The following LIPI variants were observed in gnomAD, a reference collection of about 807,000 sequenced individuals.
LIPI encodes lipase I, also known as lipase member I.
Under a neutral mutation model 50.6 loss-of-function variants are expected in LIPI, and 59 were observed. The ratio of observed to expected loss-of-function variants is 1.16; its 90% CI spans 0.94 to 1.45. The LOEUF is 1.45. Among genes scored for constraint, LIPI ranks in the 40% most tolerant of loss-of-function variants. The pLI, the probability that LIPI is intolerant of heterozygous loss-of-function variation, is 0.00. For synonymous variants in LIPI, 203 were observed against 178.2 expected, an observed-to-expected ratio of 1.14 and a Z score of -1.11; for missense variants, 586 against 536.3, an observed-to-expected ratio of 1.09 and a Z score of -0.92.
chr21:14,174,613 G>T (rs906695835), intron 4 of LIPI, among the ~76,000 whole-genome samples: 2 of 152,028 alleles, frequency 1.3e-5, no homozygotes, highest in African/African-American at 4.8e-5. Flanking sequence ...GAGTGCAATG[G>T]CATGATCTCC....
chr21:14,137,177 C>T lies in LIPI; in HGVS notation c.1295+7446G>A, dbSNP rs143160990. On this transcript the variant is annotated intron_variant, in intron 9 of 9. Coordinates refer to ENST00000681601, the MANE Select transcript of LIPI (RefSeq NM_001302998.2). Reference sequence around the variant, plus strand: ...ACCTAACTCTTCAATACTCAGACACCGAAGAACATCTACTAGCATCAACAC... The same window carrying T: ...ACCTAACTCTTCAATACTCAGACACTGAAGAACATCTACTAGCATCAACAC... 3.5e-3 allele frequency among the ~76,000 whole-genome samples: 534 copies of T among 152,076 alleles called. 3 individuals carry two copies. The highest frequency in any genetic ancestry group is 0.012 in the African/African-American group (512 of 41,496).
intron 8 of LIPI, among the ~76,000 whole-genome samples, chr21:14,148,440 AT>A (rs148300971): frequency 0.04 from 6,141 of 152,264 alleles, 144 homozygotes; most frequent in African/African-American, 0.063. Context: ...CTGCACAATG[AT>A]TTTTTTGTCA....
chr21:14,161,787 AT>A (rs1568858636), intron 7 of LIPI, among the ~76,000 whole-genome samples: 20 of 47,994 alleles, frequency 4.2e-4, no homozygotes, highest in East Asian at 9.2e-4. Context: ...TATATAATAT[AT>A]ACATTATTAT....
At chr21:14,113,161 T>G (rs2016482041) in intron 9 of LIPI, among the ~76,000 whole-genome samples, 1 of 152,190 alleles carries the variant, frequency 6.6e-6, no homozygotes, top group African/African-American at 2.4e-5. Context: ...TATAGAACAT[T>G]CAATAAGATA....
chr21:14,186,763 G>A (rs1304657058), intron 2 of LIPI, among the ~76,000 whole-genome samples: 1 of 152,166 alleles, frequency 6.6e-6, no homozygotes, highest in Non-Finnish European at 1.5e-5. Context: ...CCAGATAGAA[G>A]AGACCTGAGG....
rs564576476 is a variant in LIPI, at chr21:14,132,641, T to C, written c.1295+11982A>G. Among the ~76,000 whole-genome samples the C allele has an allele frequency of 1.6e-3, 237 of 151,902 alleles. 2 individuals carry two copies. Among genetic ancestry groups the C allele is most frequent in the African/African-American group, 5.5e-3 (227 of 41,448 alleles). On this transcript the variant is annotated intron_variant, in intron 9 of 9. Coordinates refer to ENST00000681601, the MANE Select transcript of LIPI (RefSeq NM_001302998.2). ...AAACACAAAAATATAAAACTCACAGTTCTTATAAAACACTCACACAAAGGA... is the reference window on the plus strand; with the variant it reads ...AAACACAAAAATATAAAACTCACAGCTCTTATAAAACACTCACACAAAGGA...
chr21:14,144,883 A>G, intron 8 of LIPI, 84 bp from the exon 9 acceptor site: 3 of 906,584 alleles, frequency 3.3e-6, no homozygotes, highest in Non-Finnish European at 5.2e-6. Context: ...CTAATAAGGG[A>G]GGCCACAGAG....
chr21:14,201,487 A>G (rs1356068296), intron 1 of LIPI, among the ~76,000 whole-genome samples: 1 of 152,162 alleles, frequency 6.6e-6, no homozygotes, highest in Non-Finnish European at 1.5e-5. Flanking sequence ...CTTATCCACC[A>G]TGATCAAGTG....
chr21:14,149,519 T>C (rs1034815879), intron 8 of LIPI, among the ~76,000 whole-genome samples: 4 of 152,072 alleles, frequency 2.6e-5, no homozygotes, highest in Non-Finnish European at 5.9e-5. Context: ...CTTAACTCAT[T>C]CCAATATTCA....
chr21:14,205,465 C>A (rs190512262), intron 1 of LIPI, among the ~76,000 whole-genome samples: 8 of 151,774 alleles, frequency 5.3e-5, no homozygotes, highest in Non-Finnish European at 8.8e-5. Flanking sequence ...ATATATAGCC[C>A]ATATTTATAT....
At position 14,138,708 on chromosome 21, in the gene LIPI, A is replaced by G. The variant is rs183084114; in HGVS notation, c.1295+5915T>C. Among the ~76,000 whole-genome samples the G allele has an allele frequency of 3.6e-4, 55 of 152,190 alleles. 1 individual carries two copies. Among genetic ancestry groups the G allele is most frequent in the Admixed American group, 3.6e-3 (55 of 15,270 alleles). On this transcript the variant is annotated intron_variant, in intron 9 of 9. Transcript: ENST00000681601. ...CATTTAATATTACAGCTATTCCATA[A>G]TCAATGTATAAATTACCCTATTATT...
intron 9 of LIPI, among the ~76,000 whole-genome samples, chr21:14,115,206 C>T (rs1350688116): frequency 6.6e-6 from 1 of 152,130 alleles, no homozygotes; most frequent in East Asian, 1.9e-4. Context: ...TTTCATATTC[C>T]TTGAGGCTCA....
At chr21:14,167,038 A>C (rs1218477077) in intron 4 of LIPI, among the ~76,000 whole-genome samples, 1 of 152,248 alleles carries the variant, frequency 6.6e-6, no homozygotes, top group Non-Finnish European at 1.5e-5. Flanking sequence ...TGGGCTTAAA[A>C]AACGGCCCAC....
At position 14,189,496 on chromosome 21, in the gene LIPI, T is replaced by G. The variant is rs544464479; in HGVS notation, c.47-77A>C. On this transcript the variant is annotated intron_variant, in intron 1 of 9. Coordinates refer to ENST00000681601, the MANE Select transcript of LIPI (RefSeq NM_001302998.2). ...CTGTTGCTATTGCAAAGAACAGAAT[T>G]AAATGTGGAGGGTAGGGAGGATTTC... 2.3e-6 allele frequency: 3 copies of G among 1,330,300 alleles called. 1 individual carries two copies. In the South Asian group the frequency reaches 3.7e-5, roughly 16 times the overall value. The allele number at this position is 1,330,300 out of a possible 1,614,324, so 82.4% of individuals were successfully genotyped here. A position where few individuals can be genotyped will look rare whatever the true frequency, so the allele number is the denominator to read the frequency against.
chr21:14,190,673 C>T (rs908190022), intron 1 of LIPI, among the ~76,000 whole-genome samples: 2 of 152,152 alleles, frequency 1.3e-5, no homozygotes, highest in Non-Finnish European at 2.9e-5. Flanking sequence ...CCTATATTAA[C>T]AGCTGAGAGA....
chr21:14,175,901 G>C (rs1333352643), intron 4 of LIPI, among the ~76,000 whole-genome samples: 1 of 152,052 alleles, frequency 6.6e-6, no homozygotes, highest in South Asian at 2.1e-4. Flanking sequence ...CAAGTGGGCC[G>C]GGCGCGGTGG....
At chr21:14,186,195 GA>G in intron 2 of LIPI, 126 bp from the exon 3 acceptor site, 1 of 664,368 alleles carries the variant, frequency 1.5e-6, no homozygotes, top group Non-Finnish European at 2.7e-6. Flanking sequence ...GGGATATCGG[GA>G]AAGAGACTTT....
At chr21:14,179,181 T>G (rs1403029635) in intron 4 of LIPI, among the ~76,000 whole-genome samples, 1 of 152,108 alleles carries the variant, frequency 6.6e-6, no homozygotes, top group Non-Finnish European at 1.5e-5. Flanking sequence ...AATCCACAAA[T>G]TTGAAAGGCC....
chr21:14,122,523 C>T (rs2016902884), intron 9 of LIPI, among the ~76,000 whole-genome samples: 1 of 152,134 alleles, frequency 6.6e-6, no homozygotes, highest in Non-Finnish European at 1.5e-5. Flanking sequence ...ACCTCAGCAA[C>T]CTAATCCAGG....
Sources: gnomAD v4.1 joint callset for allele counts (sites outside exome capture counted in the v4.1 genomes callset) on GRCh38, gnomAD v4.1.1 for gene constraint, MANE v1.5 for transcripts, NCBI Gene and HGNC (gene_info 2026-07-23, HGNC 2026-07-21) for gene names.